SLC2A13: variants seen among roughly 807,000 people sequenced by gnomAD.
The protein encoded by SLC2A13 is proton myo-inositol cotransporter.
In SLC2A13, 32 loss-of-function variants were observed where a neutral mutation model predicts 64.4. That is an observed-to-expected ratio of 0.50 (90% confidence interval 0.37 to 0.67). SLC2A13 has a LOEUF of 0.67. SLC2A13 is among the 30% of genes least tolerant of loss of function. The probability of loss-of-function intolerance (pLI) is 0.00; values close to 1 mark genes in which losing one functional copy is unlikely to be tolerated. For missense variants in SLC2A13, 743 were observed against 829.2 expected (o/e 0.90, Z 1.28); for synonymous variants, 338 against 327.1 (o/e 1.03, Z -0.36).
intron 3 of SLC2A13, among the ~76,000 whole-genome samples, chr12:39,964,569 A>G (rs948261651): frequency 6.6e-6 from 1 of 152,246 alleles, no homozygotes; most frequent in Non-Finnish European, 1.5e-5. Context: ...TAGCTATGCT[A>G]GGACACTTGA....
intron 1 of SLC2A13, among the ~76,000 whole-genome samples, chr12:40,092,489 T>C (rs1422836065): frequency 6.6e-6 from 1 of 152,188 alleles, no homozygotes; most frequent in Non-Finnish European, 1.5e-5. Context: ...AAATTCCACA[T>C]ATGTAATACC....
intron 3 of SLC2A13, among the ~76,000 whole-genome samples, chr12:39,956,236 C>T (rs1471325692): frequency 6.6e-6 from 1 of 152,022 alleles, no homozygotes; most frequent in Admixed American, 6.6e-5. Flanking sequence ...TTGTTAAAAA[C>T]GTTCCCCCAA....
chr12:39,964,576 T>C (rs1946472983), intron 3 of SLC2A13, among the ~76,000 whole-genome samples: 1 of 152,218 alleles, frequency 6.6e-6, no homozygotes. Context: ...GCTAGGACAC[T>C]TGAGATTTAA....
At chr12:40,064,842 A>C (rs1242578415) in intron 1 of SLC2A13, among the ~76,000 whole-genome samples, 1 of 152,206 alleles carries the variant, frequency 6.6e-6, no homozygotes, top group African/African-American at 2.4e-5. Context: ...ATGGTTAATT[A>C]ATTAAATCAA....
intron 1 of SLC2A13, among the ~76,000 whole-genome samples, chr12:40,061,975 A>G (rs1191117875): frequency 6.6e-6 from 1 of 152,114 alleles, no homozygotes; most frequent in Non-Finnish European, 1.5e-5. Flanking sequence ...GGCCATTAGA[A>G]CAGAATAGAA....
chr12:40,056,975 G>C (rs529409305), intron 1 of SLC2A13, among the ~76,000 whole-genome samples: 86 of 151,930 alleles, frequency 5.7e-4, no homozygotes, highest in Non-Finnish European at 1.1e-3. Flanking sequence ...GCGAGACTTC[G>C]TGTCAAAAAA....
chr12:39,785,744 C>G (rs1390442176), intron 7 of SLC2A13, among the ~76,000 whole-genome samples: 1 of 152,144 alleles, frequency 6.6e-6, no homozygotes, highest in Non-Finnish European at 1.5e-5. Flanking sequence ...TGCCCAAGAC[C>G]ATGGGAACCC....
chr12:39,763,025 A>G (rs1940218648), intron 9 of SLC2A13, among the ~76,000 whole-genome samples: 1 of 152,050 alleles, frequency 6.6e-6, no homozygotes, highest in Admixed American at 6.6e-5. Flanking sequence ...TTCTATGAAA[A>G]ATGCTTTCTC....
chr12:40,065,179 G>A (rs1037880473), intron 1 of SLC2A13, among the ~76,000 whole-genome samples: 1 of 152,066 alleles, frequency 6.6e-6, no homozygotes, highest in Admixed American at 6.5e-5. Flanking sequence ...CAGGAATATC[G>A]ACATGAAAAT....
intron 1 of SLC2A13, among the ~76,000 whole-genome samples, chr12:40,076,119 C>T (rs967795201): frequency 6.6e-6 from 1 of 152,136 alleles, no homozygotes; most frequent in African/African-American, 2.4e-5. Context: ...TGTTAAGTGC[C>T]TTTGCATTAT....
chr12:39,796,282 G>A (rs1384058031), intron 7 of SLC2A13, among the ~76,000 whole-genome samples: 2 of 151,942 alleles, frequency 1.3e-5, no homozygotes, highest in African/African-American at 4.8e-5. Flanking sequence ...TTTTACCATT[G>A]GAATGTGGGC....
At chr12:40,030,141 T>A (rs142507030) in intron 2 of SLC2A13, among the ~76,000 whole-genome samples, 1 of 152,172 alleles carries the variant, frequency 6.6e-6, no homozygotes, top group Non-Finnish European at 1.5e-5. Context: ...TATGACAATA[T>A]CTTAGGTAAC....
intron 4 of SLC2A13, among the ~76,000 whole-genome samples, chr12:39,892,733 A>G (rs1250075540): frequency 1.3e-5 from 2 of 152,188 alleles, no homozygotes; most frequent in African/African-American, 2.4e-5. Context: ...ACAATATCAA[A>G]TTTGTTCCAA....
intron 4 of SLC2A13, among the ~76,000 whole-genome samples, chr12:39,908,532 G>A (rs1293148336): frequency 6.6e-6 from 1 of 151,858 alleles, no homozygotes; most frequent in Non-Finnish European, 1.5e-5. Flanking sequence ...TGTGTTAGTA[G>A]AGAAGGAGAG....
chr12:39,897,043 T>C (rs946622042), intron 4 of SLC2A13, among the ~76,000 whole-genome samples: 1 of 152,182 alleles, frequency 6.6e-6, no homozygotes, highest in Admixed American at 6.5e-5. Flanking sequence ...TAACCCTTAG[T>C]TCAATGCTTA....
chr12:40,081,847 G>A (rs950765362), intron 1 of SLC2A13, among the ~76,000 whole-genome samples: 10 of 152,086 alleles, frequency 6.6e-5, no homozygotes, highest in African/African-American at 2.4e-4. Context: ...CTTCATATAG[G>A]GCTTTTTGCT....
In SLC2A13 at chr12:39,853,664, C is replaced by T. The variant is rs928677221; in HGVS notation, c.1319+11098G>A. ...ATCTGTAAAAGCTTTAGTCAGACTG[C>T]TACAGCCTGGTGTTTCATCAAGCTA... is the stretch of plus-strand genomic sequence containing the variant. On this transcript the variant is annotated intron_variant, in intron 6 of 9. Coordinates refer to ENST00000280871, the MANE Select transcript of SLC2A13 (RefSeq NM_052885.4). Among the ~76,000 whole-genome samples, 5 of 149,680 alleles carry T rather than the reference C, an allele frequency of 3.3e-5. No individual in the cohort carries two copies. In the East Asian group the frequency reaches 9.9e-4, roughly 30 times the overall value.
Position 40,105,541 on chromosome 12 carries a change from G to C in SLC2A13, c.268C>G (p.Leu90Val). The change falls in exon 1 of 10, where the codon CTG (leucine) becomes GTG (valine). Residue 90 changes from leucine (L) to valine (V), a missense_variant. Coordinates refer to ENST00000280871, the MANE Select transcript of SLC2A13 (RefSeq NM_052885.4). This position sits in a 1 kb window ranked among gnomAD's most constrained non-coding sequence, Gnocchi z 4.2. The stretch of plus-strand genomic sequence containing the variant: ...TCATAGCCAAACAGGAAGCCGCCCA[G>C]CGCGGAGAAGACGGCCACCACGTAC... ...FVYVVAVFSALGGFLFGYDTG... is the reference protein window; with the variant it reads ...FVYVVAVFSAVGGFLFGYDTG... The C allele has an allele frequency of 6.3e-7, 1 of 1,580,904 alleles. No homozygotes were observed. The highest frequency in any genetic ancestry group is 8.6e-7 in the Non-Finnish European group (1 of 1,166,560).
In SLC2A13 at chr12:39,941,348, G is replaced by A. The variant is rs561426280; in HGVS notation, c.1034+9909C>T. On this transcript the variant is annotated intron_variant, in intron 4 of 9. Transcript: ENST00000280871. ...TTCTAGTTCTTTAAGGAATCTCCAC[G>A]CTGTTTTCCATAGTAGCTGTACTAG... is the stretch of plus-strand genomic sequence containing the variant. Among the ~76,000 whole-genome samples, 7 of 152,208 alleles carry A rather than the reference G, an allele frequency of 4.6e-5. No individual in the cohort carries two copies. The East Asian group carries it at 7.7e-4, about 17-fold the overall frequency.
Sources: allele counts gnomAD v4.1 joint callset (sites outside exome capture counted in the v4.1 genomes callset), GRCh38; gene constraint gnomAD v4.1.1; non-coding constraint Gnocchi (gnomAD v3.1); transcripts MANE v1.5; gene names NCBI Gene and HGNC (gene_info 2026-07-23, HGNC 2026-07-21).